PTDSS2: variants seen among roughly 807,000 people sequenced by gnomAD.
The protein encoded by PTDSS2 is PSS-2.
Under a neutral mutation model 64.7 loss-of-function variants are expected in PTDSS2, and 41 were observed. That is an observed-to-expected ratio of 0.63 (90% CI 0.49 to 0.82). The LOEUF (loss-of-function observed/expected upper bound fraction) is 0.82, where lower values mean the gene tolerates loss of function less well. Ranked by LOEUF, PTDSS2 falls within the 40% of genes least tolerant of loss-of-function variation. The pLI, the probability that PTDSS2 is intolerant of heterozygous loss-of-function variation, is 0.00. For synonymous variants in PTDSS2, 297 were observed against 277.8 expected, an observed-to-expected ratio of 1.07 and a Z score of -0.69; for missense variants, 485 against 650.0, an observed-to-expected ratio of 0.75 and a Z score of 2.76.
At chr11:466,493 C>T (rs1350619100) in intron 2 of PTDSS2, among the ~76,000 whole-genome samples, 1 of 151,392 alleles carries the variant, frequency 6.6e-6, no homozygotes, top group Non-Finnish European at 1.5e-5. Flanking sequence ...CTGCAACCTC[C>T]GCTTCCTGGG....
Position 450,325 on chromosome 11 carries a change from T to G in PTDSS2, c.-131T>G. Reference sequence around the variant, plus strand: ...ACTGGCCGGCCCCGCGCTGCTCTCCTAAGACCCCGCGGGCCAGCGCCGCGA... The same window carrying G: ...ACTGGCCGGCCCCGCGCTGCTCTCCGAAGACCCCGCGGGCCAGCGCCGCGA... On this transcript the variant is annotated 5_prime_UTR_variant, in exon 1 of 12. Transcript: ENST00000308020. 1 of 794,764 alleles carries G rather than the reference T, an allele frequency of 1.3e-6. No homozygotes were observed. The highest frequency in any genetic ancestry group is 1.7e-6 in the Non-Finnish European group (1 of 594,894). 49.2% of individuals were successfully genotyped at this position (794,764 alleles called of 1,614,324 possible). A position where few individuals can be genotyped will look rare whatever the true frequency, so the allele number is the denominator to read the frequency against.
At chr11:484,425 T>G (rs1466261737) in intron 4 of PTDSS2, among the ~76,000 whole-genome samples, 1 of 152,232 alleles carries the variant, frequency 6.6e-6, no homozygotes, top group Non-Finnish European at 1.5e-5. Context: ...GGCTGCGTGG[T>G]CCTGGGTGCC....
chr11:471,793 TGGCCTGGGGTGACGTGGATGGC>T, intron 2 of PTDSS2, among the ~76,000 whole-genome samples: 1 of 89,978 alleles, frequency 1.1e-5, no homozygotes, highest in African/African-American at 4.5e-5. Flanking sequence ...ACGCAGATGG[TGGCCTGGGGTGACGTGGATGGC>T]GGCCTGGGGT....
At chr11:469,142 T>G (rs1590638404) in intron 2 of PTDSS2, among the ~76,000 whole-genome samples, 2 of 78,492 alleles carry the variant, frequency 2.5e-5, no homozygotes, top group South Asian at 4.9e-4. Flanking sequence ...AGGAGGGGAG[T>G]CTCTGGGTAA....
Position 460,224 on chromosome 11 carries a change from T to C in PTDSS2, c.220T>C (p.Cys74Arg), listed in dbSNP as rs1214697353. ...HTLTVLFILTCTLGYVTLLEE... is the reference protein window; with the variant it reads ...HTLTVLFILTRTLGYVTLLEE... ...CTTAACCGTGCTCTTCATCCTCACC[T>C]GTACGCTTGGCTATGTGACGCTGCT... Residue 74 changes from cysteine (C) to arginine (R), a missense_variant, in exon 2 of 12, where the codon TGT becomes CGT. By Grantham distance (180) the Cys-to-Arg change is radical. This residue lies in a region of PTDSS2 where 251 missense variants were observed against 348.0 expected (regional missense o/e 0.72). Coordinates refer to ENST00000308020, the MANE Select transcript of PTDSS2 (RefSeq NM_030783.3). The surrounding 1 kb of genome is among the most constrained non-coding windows in gnomAD (Gnocchi z 5.8). The C allele has an allele frequency of 6.2e-7, 1 of 1,614,204 alleles. No individual in the cohort carries two copies. Among genetic ancestry groups the C allele is most frequent in the Admixed American group, 1.7e-5 (1 of 60,020 alleles).
Position 476,337 on chromosome 11 carries a change from G to A in PTDSS2, c.367+2360G>A, listed in dbSNP as rs1197082619. On this transcript the variant is annotated intron_variant, in intron 3 of 11. Transcript: ENST00000308020. The surrounding 1 kb of genome is among the most constrained non-coding windows in gnomAD (Gnocchi z 4.9). ...GTGAAAAGCCTGGCGCCGTGACGGT[G>A]AGAAACTGCCCGTCACACAGTGAAA... 6.6e-6 allele frequency among the ~76,000 whole-genome samples: 1 copy of A among 152,216 alleles called. No homozygotes were observed. Among genetic ancestry groups the A allele is most frequent in the Non-Finnish European group, 1.5e-5 (1 of 68,030 alleles).
At chr11:480,609 A>C (rs576296721) in intron 4 of PTDSS2, 3 of 155,298 alleles carry the variant, frequency 1.9e-5, no homozygotes, top group African/African-American at 7.2e-5. Flanking sequence ...CCCAGGCTGG[A>C]GTGCAGTGGT....
chr11:454,582 G>A lies in PTDSS2; in HGVS notation c.182+3945G>A, dbSNP rs140788654. Among the ~76,000 whole-genome samples, 578 of 152,284 alleles carry A rather than the reference G, an allele frequency of 3.8e-3. 10 individuals carry two copies. The highest frequency in any genetic ancestry group is 0.022 in the Admixed American group (336 of 15,298). On this transcript the variant is annotated intron_variant, in intron 1 of 11. Coordinates refer to ENST00000308020, the MANE Select transcript of PTDSS2 (RefSeq NM_030783.3). ...AGCACTTTGGGAGGCCGAGGCAGGT[G>A]GATCACGAGGTCAGGAGTTTAAGAC...
chr11:489,269 G>A, intron 8 of PTDSS2, 131 bp from the exon 9 acceptor site: 1 of 722,108 alleles, frequency 1.4e-6, no homozygotes, highest in East Asian at 2.7e-5. Flanking sequence ...GGCGGGGCGG[G>A]GTGACCAAGA....
At chr11:468,720 A>G (rs895704173) in intron 2 of PTDSS2, among the ~76,000 whole-genome samples, 10 of 151,172 alleles carry the variant, frequency 6.6e-5, no homozygotes, top group Admixed American at 6.6e-4. Context: ...GAGTCTCTGG[A>G]TAATCAGAGA....
intron 2 of PTDSS2, among the ~76,000 whole-genome samples, chr11:464,205 A>G (rs1407512835): frequency 2.0e-5 from 3 of 146,980 alleles, no homozygotes; most frequent in African/African-American, 7.6e-5. Flanking sequence ...CTGGTTTTGA[A>G]CTCCTGAGCA....
At chr11:489,822 G>A in intron 10 of PTDSS2, 61 bp from the exon 11 acceptor site, 1 of 1,548,136 alleles carries the variant, frequency 6.5e-7, no homozygotes. Flanking sequence ...CGGAGCCTGG[G>A]CAAGTCCGCC....
intron 5 of PTDSS2, 65 bp from the exon 6 acceptor site, chr11:487,355 C>T: frequency 6.9e-7 from 1 of 1,443,850 alleles, no homozygotes. Flanking sequence ...GTGGGCTGAT[C>T]TGCCGGTGTG....
In PTDSS2 at chr11:450,293, ACC is replaced by A. The variant is rs1314279757; in HGVS notation, c.-161_-160del. On this transcript the variant is annotated 5_prime_UTR_variant, in exon 1 of 12. It removes the in-frame stop codon of an upstream open reading frame in the 5' UTR. Coordinates refer to ENST00000308020, the MANE Select transcript of PTDSS2 (RefSeq NM_030783.3). ...CTACAAGCCCCACAATGCACCGCAC[ACC>A]CTTTACTGGCCGGCCCCGCGCTGCT... 1 of 479,198 alleles carries A rather than the reference ACC, an allele frequency of 2.1e-6. No homozygotes were observed. The highest frequency in any genetic ancestry group is 3.3e-6 in the Non-Finnish European group (1 of 307,082). 29.7% of individuals were successfully genotyped at this position (479,198 alleles called of 1,614,324 possible).
intron 2 of PTDSS2, among the ~76,000 whole-genome samples, chr11:467,753 T>C (rs1847207105): frequency 6.6e-6 from 1 of 152,108 alleles, no homozygotes; most frequent in Admixed American, 6.6e-5. Context: ...GATATAGATA[T>C]AGATAGATAG....
chr11:459,999 C>G, intron 1 of PTDSS2, 188 bp from the exon 2 acceptor site: 1 of 585,834 alleles, frequency 1.7e-6, no homozygotes, highest in Non-Finnish European at 3.1e-6. Context: ...TCAGCCCTGA[C>G]TGGCCAGCAG....
At chr11:475,570 C>T (rs1359802199) in intron 3 of PTDSS2, among the ~76,000 whole-genome samples, 1 of 151,442 alleles carries the variant, frequency 6.6e-6, no homozygotes, top group African/African-American at 2.4e-5. Context: ...CATATTCACG[C>T]GTTTGTGTGT....
intron 3 of PTDSS2, among the ~76,000 whole-genome samples, chr11:475,698 C>A (rs1011838548): frequency 2.0e-5 from 3 of 152,178 alleles, no homozygotes; most frequent in South Asian, 4.1e-4. Context: ...TGACTTTAAT[C>A]ATTTAGGTTT....
intron 2 of PTDSS2, among the ~76,000 whole-genome samples, chr11:469,075 G>C (rs1249216223): frequency 2.4e-5 from 3 of 126,526 alleles, no homozygotes; most frequent in Non-Finnish European, 3.4e-5. Flanking sequence ...AGGAGGAGGG[G>C]AGTCTCTGGG....
Sources: allele counts gnomAD v4.1 joint callset (sites outside exome capture counted in the v4.1 genomes callset), GRCh38; gene constraint gnomAD v4.1.1; regional missense constraint gnomAD v4.1.1; non-coding constraint Gnocchi (gnomAD v3.1); transcripts MANE v1.5; gene names NCBI Gene and HGNC (gene_info 2026-07-23, HGNC 2026-07-21).